Variants in CAMK2D observed in about 807,000 individuals in gnomAD.
CAMK2D encodes the protein calcium/calmodulin-dependent protein kinase type II subunit delta.
CAMK2D carries 37 observed loss-of-function variants against 84.0 expected under a neutral mutation model. The ratio of observed to expected loss-of-function variants is 0.44; its 90% confidence interval spans 0.34 to 0.58. CAMK2D has a LOEUF of 0.58. Ranked by LOEUF, CAMK2D falls within the 20% of genes least tolerant of loss-of-function variation. The pLI, the probability that CAMK2D is intolerant of heterozygous loss-of-function variation, is 0.02. For missense variants in CAMK2D, 448 were observed against 652.5 expected (o/e 0.69, Z 3.41); for synonymous variants, 202 against 212.5 (o/e 0.95, Z 0.43).
At chr4:113,718,939 T>TA (rs764572411) in intron 2 of CAMK2D, among the ~76,000 whole-genome samples, 1 of 152,122 alleles carries the variant, frequency 6.6e-6, no homozygotes, top group Non-Finnish European at 1.5e-5. Context: ...ACCTAAATAC[T>TA]ACTAAATATT....
At chr4:113,677,104 C>A (rs543498208) in intron 2 of CAMK2D, among the ~76,000 whole-genome samples, 5 of 152,160 alleles carry the variant, frequency 3.3e-5, no homozygotes, top group African/African-American at 9.7e-5. Context: ...GAATACTAAT[C>A]GCTCCTCTGT....
At chr4:113,735,391 C>T (rs2099578941) in intron 2 of CAMK2D, among the ~76,000 whole-genome samples, 3 of 148,696 alleles carry the variant, frequency 2.0e-5, no homozygotes, top group Non-Finnish European at 4.4e-5. Flanking sequence ...GGGAGGATCG[C>T]TTGAGCCCGC....
intron 17 of CAMK2D, among the ~76,000 whole-genome samples, chr4:113,462,994 T>C (rs572494457): frequency 7.0e-4 from 107 of 152,298 alleles, no homozygotes; most frequent in Non-Finnish European, 1.1e-3. Context: ...GGAACGGTTG[T>C]CTCTGAAAAC....
intron 2 of CAMK2D, among the ~76,000 whole-genome samples, chr4:113,669,810 G>C (rs2099272484): frequency 6.6e-6 from 1 of 152,196 alleles, no homozygotes; most frequent in Non-Finnish European, 1.5e-5. Context: ...GTGGTATGCA[G>C]AATGGCCAGA....
intron 2 of CAMK2D, among the ~76,000 whole-genome samples, chr4:113,751,436 A>G (rs1427040291): frequency 6.6e-6 from 1 of 152,204 alleles, no homozygotes; most frequent in East Asian, 1.9e-4. Flanking sequence ...TTACTTTTAT[A>G]TAAGTTATTC....
At chr4:113,455,932 C>T in intron 19 of CAMK2D, 111 bp from the exon 20 acceptor site, 1 of 659,728 alleles carries the variant, frequency 1.5e-6, no homozygotes. Flanking sequence ...ACCCCTGGTA[C>T]TGTATGAATG....
intron 2 of CAMK2D, among the ~76,000 whole-genome samples, chr4:113,706,616 TG>T (rs2099457453): frequency 6.6e-6 from 1 of 152,194 alleles, no homozygotes. Flanking sequence ...TTTTAAAGGA[TG>T]GTATGGCTAC....
At chr4:113,590,010 A>G (rs1022585559) in intron 4 of CAMK2D, among the ~76,000 whole-genome samples, 3 of 152,306 alleles carry the variant, frequency 2.0e-5, no homozygotes, top group Non-Finnish European at 4.4e-5. Flanking sequence ...ATGCATGTTA[A>G]TAAGGTTAAA....
In CAMK2D at chr4:113,490,148, T is replaced by G. The variant is rs1377829540; in HGVS notation, c.1135+10315A>C. On this transcript the variant is annotated intron_variant, in intron 16 of 20. Transcript: ENST00000511664. Reference sequence around the variant, plus strand: ...CTGTGCAGAAGCTCTTTAGTTTAATTAGATCCCATTTGTCAATTTTGGCTT... The same window carrying G: ...CTGTGCAGAAGCTCTTTAGTTTAATGAGATCCCATTTGTCAATTTTGGCTT... 5.0e-3 allele frequency among the ~76,000 whole-genome samples: 730 copies of G among 146,840 alleles called. 6 individuals are homozygous for G. Among genetic ancestry groups the G allele is most frequent in the African/African-American group, 0.018 (701 of 39,328 alleles).
chr4:113,536,865 T>C (rs1215109672), intron 7 of CAMK2D, among the ~76,000 whole-genome samples: 1 of 152,196 alleles, frequency 6.6e-6, no homozygotes, highest in Non-Finnish European at 1.5e-5. Flanking sequence ...AGGTGAAATA[T>C]ACACATAAAT....
At chr4:113,517,992 T>C (rs1429696362) in intron 8 of CAMK2D, among the ~76,000 whole-genome samples, 2 of 152,196 alleles carry the variant, frequency 1.3e-5, no homozygotes, top group South Asian at 2.1e-4. Context: ...CTTATCTATA[T>C]AGAGACTATG....
rs190604138 is a variant in CAMK2D at position 113,630,857 on chromosome 4, C to G, written c.221-21651G>C. 9.2e-5 allele frequency among the ~76,000 whole-genome samples: 14 copies of G among 152,268 alleles called. No individual in the cohort carries two copies. The South Asian group carries it at 2.5e-3, about 27-fold the overall frequency. ...GCAAGAAAGACTAGAAATTTGACTT[C>G]TGACTTCTAAGTTGCTAAGACATAA... is the stretch of plus-strand genomic sequence containing the variant. On this transcript the variant is annotated intron_variant, in intron 3 of 20. Coordinates refer to ENST00000511664, the MANE Select transcript of CAMK2D (RefSeq NM_001321571.2).
At chr4:113,586,059 CT>C in intron 4 of CAMK2D, among the ~76,000 whole-genome samples, 1 of 152,034 alleles carries the variant, frequency 6.6e-6, no homozygotes, top group Non-Finnish European at 1.5e-5. Context: ...TTTTGTTTCA[CT>C]TTTTTTGCTT....
intron 17 of CAMK2D, among the ~76,000 whole-genome samples, chr4:113,462,306 G>GTCTA (rs1564403446): frequency 1.1e-4 from 11 of 96,722 alleles, no homozygotes; most frequent in South Asian, 3.5e-4. Flanking sequence ...CTGTCTGTCT[G>GTCTA]TCTGTCTGTC....
At chr4:113,642,810 T>G (rs2099137631) in intron 3 of CAMK2D, among the ~76,000 whole-genome samples, 2 of 152,040 alleles carry the variant, frequency 1.3e-5, no homozygotes, top group African/African-American at 4.8e-5. Context: ...GGGCAAAGCC[T>G]TCATGATCCA....
chr4:113,548,033 A>T (rs1369125449), intron 5 of CAMK2D, among the ~76,000 whole-genome samples: 1 of 152,158 alleles, frequency 6.6e-6, no homozygotes. Context: ...TATAATCTTT[A>T]TAGCTGTGGT....
At position 113,452,334 on chromosome 4, in the gene CAMK2D, G is replaced by GT. The variant is rs2097263291; in HGVS notation, c.*2210_*2211insA. 1 of 152,140 alleles carries GT rather than the reference G, an allele frequency of 6.6e-6. No individual in the cohort carries two copies. Among genetic ancestry groups the GT allele is most frequent in the Admixed American group, 6.6e-5 (1 of 15,254 alleles). 9.4% of individuals were successfully genotyped at this position (152,140 alleles called of 1,614,324 possible). A position where few individuals can be genotyped will look rare whatever the true frequency, so the allele number is the denominator to read the frequency against. On this transcript the variant is annotated 3_prime_UTR_variant, in exon 21 of 21. Coordinates refer to ENST00000511664, the MANE Select transcript of CAMK2D (RefSeq NM_001321571.2). ...TATGTACTAAATGAGACCAGAGTAG[G>GT]ACACACTGCCCTTGACACTGGCCAG...
intron 2 of CAMK2D, among the ~76,000 whole-genome samples, chr4:113,678,654 T>C (rs1394623153): frequency 6.6e-6 from 1 of 152,106 alleles, no homozygotes; most frequent in Non-Finnish European, 1.5e-5. Flanking sequence ...TGAAAATATA[T>C]AATAAATTAT....
At chr4:113,594,112 T>G (rs2154253686) in intron 4 of CAMK2D, among the ~76,000 whole-genome samples, 1 of 152,262 alleles carries the variant, frequency 6.6e-6, no homozygotes, top group Admixed American at 6.5e-5. Context: ...GCACTTCACA[T>G]GCTGAAAGCA....
Sources: allele counts gnomAD v4.1 joint callset (sites outside exome capture counted in the v4.1 genomes callset), GRCh38; gene constraint gnomAD v4.1.1; transcripts MANE v1.5; gene names NCBI Gene and HGNC (gene_info 2026-07-23, HGNC 2026-07-21).